ASIC2: variants seen among roughly 807,000 people sequenced by gnomAD.
ASIC2 encodes the protein acid sensing ion channel subunit 2, also known as acid-sensing ion channel 2.
Under a neutral mutation model 57.3 loss-of-function variants are expected in ASIC2, and 25 were observed. The observed-to-expected ratio is 0.44, with a 90% CI of 0.32 to 0.61. The LOEUF is 0.61. ASIC2 is among the 20% of genes least tolerant of loss of function. ASIC2 has a pLI of 0.06. For missense variants in ASIC2, 641 were observed against 738.1 expected, an observed-to-expected ratio of 0.87 and a Z score of 1.52; for synonymous variants, 319 against 307.5, an observed-to-expected ratio of 1.04 and a Z score of -0.39.
chr17:33,255,887 G>A (rs376189040), intron 1 of ASIC2, among the ~76,000 whole-genome samples: 2 of 152,226 alleles, frequency 1.3e-5, no homozygotes, highest in African/African-American at 4.8e-5. Context: ...AAAGTTGCAA[G>A]AATGCTACAA....
At chr17:33,791,323 G>T (rs1229913102) in intron 1 of ASIC2, among the ~76,000 whole-genome samples, 2 of 152,182 alleles carry the variant, frequency 1.3e-5, no homozygotes, top group Non-Finnish European at 2.9e-5. Flanking sequence ...TGGGAAATAT[G>T]AGCAAATTGA....
At chr17:33,394,457 T>C (rs1443418483) in intron 1 of ASIC2, among the ~76,000 whole-genome samples, 2 of 152,144 alleles carry the variant, frequency 1.3e-5, no homozygotes, top group East Asian at 1.9e-4. Context: ...TGGATTTTTT[T>C]TGAAAGCCTC....
intron 1 of ASIC2, among the ~76,000 whole-genome samples, chr17:33,271,753 C>T (rs1904501388): frequency 6.6e-6 from 1 of 152,242 alleles, no homozygotes; most frequent in Non-Finnish European, 1.5e-5. Context: ...CATCCAGCCT[C>T]CATTCTTATC....
chr17:33,134,739 T>C (rs1405342012), intron 1 of ASIC2, among the ~76,000 whole-genome samples: 1 of 152,192 alleles, frequency 6.6e-6, no homozygotes, highest in Non-Finnish European at 1.5e-5. Flanking sequence ...GCTCTCCCAC[T>C]TGGCTGGGGA....
intron 1 of ASIC2, among the ~76,000 whole-genome samples, chr17:33,839,501 C>T (rs972907967): frequency 3.9e-5 from 6 of 152,140 alleles, no homozygotes; most frequent in Non-Finnish European, 7.4e-5. Flanking sequence ...CACCCTTCTA[C>T]ACTCTGATAT....
intron 1 of ASIC2, among the ~76,000 whole-genome samples, chr17:33,120,891 G>A (rs1188999561): frequency 6.6e-6 from 1 of 152,316 alleles, no homozygotes; most frequent in African/African-American, 2.4e-5. Flanking sequence ...AGGAAAAAAA[G>A]CTAATATGGA....
chr17:34,026,020 A>G (rs1374518977), intron 1 of ASIC2, among the ~76,000 whole-genome samples: 1 of 152,238 alleles, frequency 6.6e-6, no homozygotes, highest in South Asian at 2.1e-4. Context: ...TTAATCTCAC[A>G]GAATTCAGAG....
intron 1 of ASIC2, chr17:34,039,021 C>T (rs879036267): frequency 2.1e-5 from 34 of 1,614,154 alleles, no homozygotes; most frequent in East Asian, 4.5e-5. Context: ...TATCTCTACA[C>T]GCCATCTTCT....
At chr17:33,060,338 A>G (rs1209024513) in intron 3 of ASIC2, among the ~76,000 whole-genome samples, 2 of 152,174 alleles carry the variant, frequency 1.3e-5, no homozygotes, top group Admixed American at 1.3e-4. Context: ...TAATTTTTGT[A>G]TAAGGTGTAA....
intron 1 of ASIC2, among the ~76,000 whole-genome samples, chr17:33,360,262 A>G (rs1024859970): frequency 8.5e-5 from 13 of 152,262 alleles, no homozygotes; most frequent in African/African-American, 3.1e-4. Context: ...TTGAATAAAT[A>G]ATAGAACAAC....
intron 1 of ASIC2, among the ~76,000 whole-genome samples, chr17:33,218,228 T>C (rs2142095069): frequency 6.6e-6 from 1 of 152,336 alleles, no homozygotes; most frequent in East Asian, 1.9e-4. Context: ...TCACATCCCA[T>C]CCCTGGGAAT....
chr17:33,057,969 C>T (rs564582033), intron 3 of ASIC2, among the ~76,000 whole-genome samples: 17 of 152,126 alleles, frequency 1.1e-4, no homozygotes, highest in Admixed American at 2.0e-4. Context: ...TTTACAAATT[C>T]GAGTTTCCCA....
At chr17:33,563,685 A>C (rs1916145006) in intron 1 of ASIC2, among the ~76,000 whole-genome samples, 1 of 152,172 alleles carries the variant, frequency 6.6e-6, no homozygotes. Flanking sequence ...CTCCCAGTTA[A>C]AGAACCAGTG....
At chr17:33,425,725 G>A (rs1432031936) in intron 1 of ASIC2, among the ~76,000 whole-genome samples, 1 of 152,138 alleles carries the variant, frequency 6.6e-6, no homozygotes, top group Non-Finnish European at 1.5e-5. Flanking sequence ...CAGTAGTTAG[G>A]CATTTGAGTC....
rs552327939 is a variant in ASIC2 at position 33,710,322 on chromosome 17, G to A, written c.555+445656C>T. On this transcript the variant is annotated intron_variant, in intron 1 of 9. Transcript: ENST00000359872. ...AATAGTTACTGACCATCTATTATGC[G>A]TCAAGCAGTCAGTTAGATCCCACAC... is the stretch of plus-strand genomic sequence containing the variant. Among the ~76,000 whole-genome samples, 7 of 152,272 alleles carry A rather than the reference G, an allele frequency of 4.6e-5. No individual in the cohort carries two copies. In the South Asian group the frequency reaches 8.3e-4, roughly 18 times the overall value.
chr17:33,706,168 A>ATG (rs71364613), intron 1 of ASIC2, among the ~76,000 whole-genome samples: 89 of 146,974 alleles, frequency 6.1e-4, no homozygotes, highest in African/African-American at 1.8e-3. Context: ...CTGTAGTCAT[A>ATG]TGTGTGTGTG....
chr17:33,784,592 C>T (rs570944469), intron 1 of ASIC2, among the ~76,000 whole-genome samples: 9 of 152,232 alleles, frequency 5.9e-5, no homozygotes, highest in East Asian at 3.9e-4. Context: ...TAATTTAATG[C>T]AATACATCAT....
chr17:33,476,666 G>A (rs541539222), intron 1 of ASIC2, among the ~76,000 whole-genome samples: 1 of 151,862 alleles, frequency 6.6e-6, no homozygotes, highest in South Asian at 2.1e-4. Context: ...CTGAGAGCTG[G>A]CCAAATGGTG....
At chr17:33,067,974 G>A (rs897121317) in intron 3 of ASIC2, among the ~76,000 whole-genome samples, 1 of 152,196 alleles carries the variant, frequency 6.6e-6, no homozygotes, top group African/African-American at 2.4e-5. Flanking sequence ...GCTGCATGGG[G>A]CTCTGGAGAG....
Sources: allele counts gnomAD v4.1 joint callset (sites outside exome capture counted in the v4.1 genomes callset), GRCh38; gene constraint gnomAD v4.1.1; transcripts MANE v1.5; gene names NCBI Gene and HGNC (gene_info 2026-07-23, HGNC 2026-07-21).